The following PSMC2 variants were observed in gnomAD, a reference collection of about 807,000 sequenced individuals.
PSMC2 encodes the protein proteasome 26S subunit, ATPase 2.
Under a neutral mutation model 53.3 loss-of-function variants are expected in PSMC2, and 7 were observed. The ratio of observed to expected loss-of-function variants is 0.13; its 90% CI spans 0.07 to 0.25. The LOEUF (loss-of-function observed/expected upper bound fraction) is 0.25, where lower values mean the gene tolerates loss of function less well. PSMC2 is among the 10% of genes least tolerant of loss of function. PSMC2 has a pLI of 1.00. For missense variants in PSMC2, 241 were observed against 544.0 expected (o/e 0.44, Z 5.54); for synonymous variants, 169 against 183.9 (o/e 0.92, Z 0.66).
In PSMC2 at chr7:103,362,486, G is replaced by A. The variant is rs1057109057; in HGVS notation, c.423-200G>A. The A allele has an allele frequency of 9.3e-6, 13 of 1,404,218 alleles. No homozygotes were observed. The African/African-American group carries it at 1.5e-4, about 16-fold the overall frequency. 87.0% of individuals were successfully genotyped at this position (1,404,218 alleles called of 1,614,324 possible). A position where few individuals can be genotyped will look rare whatever the true frequency, so the allele number is the denominator to read the frequency against. The stretch of plus-strand genomic sequence containing the variant: ...CTCCCTCCTCAAAGGTTTGATTGCT[G>A]TTGGATAGGTTGTTTGCGACATTAG... On this transcript the variant is annotated intron_variant, in intron 5 of 11. Coordinates refer to ENST00000292644, the MANE Select transcript of PSMC2 (RefSeq NM_002803.4).
chr7:103,358,080 G>C (rs1457317345), intron 4 of PSMC2, among the ~76,000 whole-genome samples: 1 of 152,126 alleles, frequency 6.6e-6, no homozygotes, highest in Non-Finnish European at 1.5e-5. Flanking sequence ...TAGCTTCTTG[G>C]AAAAGGGTCA....
intron 4 of PSMC2, among the ~76,000 whole-genome samples, chr7:103,357,948 A>T (rs1008795792): frequency 6.6e-5 from 10 of 151,926 alleles, no homozygotes; most frequent in Non-Finnish European, 1.5e-5. Flanking sequence ...GCACCTTCTG[A>T]CCTGCTTTGG....
rs542627357 is a variant in PSMC2, at chr7:103,361,671, A to G, written c.291-286A>G. 7.2e-5 allele frequency among the ~76,000 whole-genome samples: 11 copies of G among 152,318 alleles called. No homozygotes were observed. The South Asian group carries it at 8.3e-4, about 11-fold the overall frequency. ...ACTTAAGATATACAGGAGCATCACT[A>G]ATAATAAAGGAATACAAACTATGGA... On this transcript the variant is annotated intron_variant, in intron 4 of 11. Transcript: ENST00000292644.
intron 7 of PSMC2, 56 bp from the exon 8 acceptor site, chr7:103,364,087 A>T: frequency 2.0e-6 from 3 of 1,519,312 alleles, no homozygotes; most frequent in Non-Finnish European, 2.7e-6. Flanking sequence ...ATTTAGAAGT[A>T]GTCTGATTTT....
chr7:103,361,794 G>A (rs1040929100), intron 4 of PSMC2, among the ~76,000 whole-genome samples, 163 bp from the exon 5 acceptor site: 1 of 152,172 alleles, frequency 6.6e-6, no homozygotes, highest in African/African-American at 2.4e-5. Context: ...AAAGTCGAAT[G>A]GACCTTTGGA....
chr7:103,358,478 G>C (rs1241279397), intron 4 of PSMC2, among the ~76,000 whole-genome samples: 1 of 151,948 alleles, frequency 6.6e-6, no homozygotes, highest in Admixed American at 6.6e-5. Context: ...CCTCTAATTT[G>C]CTAATCTTTC....
Position 103,367,024 on chromosome 7 carries a change from C to T in PSMC2, c.845-389C>T, listed in dbSNP as rs1261990245. 6.6e-6 allele frequency among the ~76,000 whole-genome samples: 1 copy of T among 152,058 alleles called. No individual in the cohort carries two copies. The highest frequency in any genetic ancestry group is 1.5e-5 in the Non-Finnish European group (1 of 68,012). ...TTCACCATGTTGGCCAGGCTGGTCT[C>T]GAACTCCTGAGGACAAGTTATTTTA... On this transcript the variant is annotated intron_variant, in intron 9 of 11. Coordinates refer to ENST00000292644, the MANE Select transcript of PSMC2 (RefSeq NM_002803.4). The surrounding 1 kb of genome is among the most constrained non-coding windows in gnomAD (Gnocchi z 6.1).
In PSMC2 at chr7:103,367,959, A is replaced by C. The variant is rs765372278; in HGVS notation, c.1207A>C (p.Ile403Leu). Residue 403 changes from isoleucine (I) to leucine (L), a missense_variant, in exon 12 of 12, where the codon ATT (isoleucine) becomes CTT (leucine). Physicochemically the swap from Ile to Leu is conservative, Grantham distance 5. This residue lies in a region of PSMC2 where 60 missense variants were observed against 115.8 expected (regional missense o/e 0.52). Transcript: ENST00000292644. This position sits in a 1 kb window ranked among gnomAD's most constrained non-coding sequence, Gnocchi z 6.1. The part of the protein sequence containing the change: ...GMFAIRARRK[I>L]ATEKDFLEAV... ...GTTTGCCATCAGAGCACGGCGAAAA[A>C]TTGCTACCGAGAAGGATTTCTTGGA... 4.3e-6 allele frequency: 7 copies of C among 1,614,120 alleles called. No homozygotes were observed. Among genetic ancestry groups the C allele is most frequent in the Non-Finnish European group, 5.9e-6 (7 of 1,180,010 alleles).
rs369823547 is a variant in PSMC2 at position 103,354,900 on chromosome 7, A to T, written c.141A>T (p.Gln47His). 3 of 1,613,618 alleles carry T rather than the reference A, an allele frequency of 1.9e-6. No homozygotes were observed. In the Admixed American group the frequency reaches 5.0e-5, roughly 27 times the overall value. The change falls in exon 3 of 12, where the codon CAA becomes CAT. Residue 47 changes from glutamine to histidine, a missense_variant. Coordinates refer to ENST00000292644, the MANE Select transcript of PSMC2 (RefSeq NM_002803.4). ...GQSTYSRQIK[Q>H]VEDDIQQLLK... Reference sequence around the variant, plus strand: ...GCACTTACTCTAGGCAGATCAAGCAAGTTGAAGATGACATTCAGCAACTTC... The same window carrying T: ...GCACTTACTCTAGGCAGATCAAGCATGTTGAAGATGACATTCAGCAACTTC...
At chr7:103,347,863 C>A in intron 1 of PSMC2, 82 bp downstream of exon 1, 4 of 1,468,530 alleles carry the variant, frequency 2.7e-6, no homozygotes, top group Middle Eastern at 2.2e-4. Flanking sequence ...GCTGGATTCC[C>A]GCTCCTGGCT....
intron 4 of PSMC2, among the ~76,000 whole-genome samples, chr7:103,360,745 A>G (rs1262754701): frequency 6.6e-6 from 1 of 152,158 alleles, no homozygotes; most frequent in Non-Finnish European, 1.5e-5. Context: ...TGACTATTTT[A>G]TACTGTGATG....
At chr7:103,353,264 A>G (rs1281844667) in intron 1 of PSMC2, among the ~76,000 whole-genome samples, 1 of 152,014 alleles carries the variant, frequency 6.6e-6, no homozygotes, top group Admixed American at 6.6e-5. Flanking sequence ...ATTGCTTTCT[A>G]TGTCTATGTT....
intron 1 of PSMC2, among the ~76,000 whole-genome samples, chr7:103,351,230 A>T (rs2116119192): frequency 6.6e-6 from 1 of 152,282 alleles, no homozygotes; most frequent in African/African-American, 2.4e-5. Context: ...CATTCATAAG[A>T]CTCAGCATGT....
At chr7:103,347,566 G>A (rs1054472309), upstream of PSMC2, 14 of 843,836 alleles carry the variant, frequency 1.7e-5, no homozygotes, top group Admixed American at 1.9e-4. Flanking sequence ...TTTCCCCAGG[G>A]CTCTGTCCGG....
At position 103,363,334 on chromosome 7, in the gene PSMC2, C is replaced by G. The variant is rs778419258; in HGVS notation, c.496-10C>G. 5.6e-6 allele frequency: 9 copies of G among 1,599,134 alleles called. 1 individual carries two copies. Among genetic ancestry groups the G allele is most frequent in the South Asian group, 5.5e-5 (5 of 90,756 alleles). On this transcript the variant is annotated splice_polypyrimidine_tract_variant and intron_variant, in intron 6 of 11. Transcript: ENST00000292644. ...TGACTGTATGTTGTACATTTCTGTCCCTCTCTTAGGTGGAAGAGAAACCTG... is the reference window on the plus strand; with the variant it reads ...TGACTGTATGTTGTACATTTCTGTCGCTCTCTTAGGTGGAAGAGAAACCTG...
intron 6 of PSMC2, 98 bp downstream of exon 6, chr7:103,362,856 T>C (rs992462667): frequency 2.3e-5 from 22 of 945,398 alleles, no homozygotes; most frequent in Middle Eastern, 3.5e-4. Context: ...TAGAATGGTG[T>C]GATCTTGGCT....
chr7:103,366,423 G>A (rs556179284), intron 9 of PSMC2, among the ~76,000 whole-genome samples: 1 of 152,292 alleles, frequency 6.6e-6, no homozygotes, highest in Non-Finnish European at 1.5e-5. Flanking sequence ...TGTTTGAGAA[G>A]TGTTTTGGAA....
At chr7:103,357,367 TAAC>T (rs1216919309) in intron 4 of PSMC2, among the ~76,000 whole-genome samples, 2 of 151,362 alleles carry the variant, frequency 1.3e-5, no homozygotes, top group Non-Finnish European at 2.9e-5. Flanking sequence ...AGTTAAATAA[TAAC>T]AACTGTATTT....
rs560414459 is a variant in PSMC2 at position 103,361,402 on chromosome 7, C to T, written c.291-555C>T. ...GTGCATGCCTGTAATCCCAGCTACT[C>T]GGGAGGCTGAGGCAGGAGAATTGCA... On this transcript the variant is annotated intron_variant, in intron 4 of 11. Transcript: ENST00000292644. Among the ~76,000 whole-genome samples the T allele has an allele frequency of 1.7e-3, 239 of 138,898 alleles. 1 individual carries two copies. Among genetic ancestry groups the T allele is most frequent in the Admixed American group, 2.6e-3 (35 of 13,600 alleles). The allele number at this position is 138,898 out of a possible 152,430, so 91.1% of individuals were successfully genotyped here. A position where few individuals can be genotyped will look rare whatever the true frequency, so the allele number is the denominator to read the frequency against.
Sources: allele counts gnomAD v4.1 joint callset (sites outside exome capture counted in the v4.1 genomes callset), GRCh38; gene constraint gnomAD v4.1.1; regional missense constraint gnomAD v4.1.1; non-coding constraint Gnocchi (gnomAD v3.1); transcripts MANE v1.5; gene names NCBI Gene and HGNC (gene_info 2026-07-23, HGNC 2026-07-21).